SARDH: variants seen among roughly 807,000 people sequenced by gnomAD.
SARDH encodes the protein sarcosine dehydrogenase.
Under a neutral mutation model 109.1 loss-of-function variants are expected in SARDH, and 95 were observed. That is an observed-to-expected ratio of 0.87 (90% CI 0.74 to 1.03). The LOEUF is 1.03. Ranked by LOEUF, SARDH falls within the 50% of genes least tolerant of loss-of-function variation. The pLI, the probability that SARDH is intolerant of heterozygous loss-of-function variation, is 0.00. For missense variants in SARDH, 1,267 were observed against 1,287.8 expected (o/e 0.98, Z 0.25); for synonymous variants, 572 against 534.8 (o/e 1.07, Z -0.96).
At chr9:133,737,571 G>A (rs1303684638) in intron 1 of SARDH, among the ~76,000 whole-genome samples, 3 of 147,536 alleles carry the variant, frequency 2.0e-5, no homozygotes. Context: ...CACCCACCAC[G>A]GTGCCGCATG....
chr9:133,718,750 T>C lies in SARDH; in HGVS notation c.1020+188A>G, dbSNP rs1312141410. 1.0e-5 allele frequency: 8 copies of C among 780,758 alleles called. No individual in the cohort carries two copies. The highest frequency in any genetic ancestry group is 1.9e-5 in the Non-Finnish European group (8 of 419,246). The allele number at this position is 780,758 out of a possible 1,614,324, so 48.4% of individuals were successfully genotyped here. A position where few individuals can be genotyped will look rare whatever the true frequency, so the allele number is the denominator to read the frequency against. On this transcript the variant is annotated intron_variant, in intron 7 of 20. Coordinates refer to ENST00000439388, the MANE Select transcript of SARDH (RefSeq NM_001134707.2). This position sits in a 1 kb window ranked among gnomAD's most constrained non-coding sequence, Gnocchi z 4.2. ...CCCTCCAGCTGCCCTGGGTCTGTAT[T>C]TGACTGCCTGCCAGGACCGTCAGGG...
At chr9:133,678,766 T>G (rs1830600817) in intron 17 of SARDH, among the ~76,000 whole-genome samples, 1 of 152,194 alleles carries the variant, frequency 6.6e-6, no homozygotes, top group Non-Finnish European at 1.5e-5. Flanking sequence ...GGAACCGTCT[T>G]CCCTGGGTCT....
At chr9:133,682,907 A>AGTGATG (rs1830748774) in intron 17 of SARDH, among the ~76,000 whole-genome samples, 1 of 152,188 alleles carries the variant, frequency 6.6e-6, no homozygotes. Flanking sequence ...ACCCATGCGC[A>AGTGATG]GTGATGGTTG....
intron 15 of SARDH, among the ~76,000 whole-genome samples, chr9:133,691,201 C>A (rs1176112842): frequency 6.7e-6 from 1 of 148,656 alleles, no homozygotes; most frequent in Non-Finnish European, 1.5e-5. Context: ...CACACACACA[C>A]ACACACACAC....
intron 13 of SARDH, among the ~76,000 whole-genome samples, chr9:133,698,164 T>G (rs1831358746): frequency 6.6e-6 from 1 of 152,114 alleles, no homozygotes; most frequent in Admixed American, 6.5e-5. Context: ...TTTTAAAAAA[T>G]TATATTTGTA....
At position 133,693,287 on chromosome 9, in the gene SARDH, C is replaced by T. The variant is rs1013245989; in HGVS notation, c.1921+971G>A. On this transcript the variant is annotated intron_variant, in intron 15 of 20. Coordinates refer to ENST00000439388, the MANE Select transcript of SARDH (RefSeq NM_001134707.2). The surrounding 1 kb of genome is among the most constrained non-coding windows in gnomAD (Gnocchi z 5.6). ...TGCTCAATGACTGCTGCCGAAGGTGCGGGTTATGAGCTGATCATGAATGAG... is the reference window on the plus strand; with the variant it reads ...TGCTCAATGACTGCTGCCGAAGGTGTGGGTTATGAGCTGATCATGAATGAG... 1.4e-4 allele frequency among the ~76,000 whole-genome samples: 22 copies of T among 152,194 alleles called. No homozygotes were observed. Among genetic ancestry groups the T allele is most frequent in the Admixed American group, 6.5e-5 (1 of 15,276 alleles).
chr9:133,724,722 T>C (rs1467232461), intron 6 of SARDH, among the ~76,000 whole-genome samples: 1 of 77,460 alleles, frequency 1.3e-5, no homozygotes, highest in African/African-American at 3.5e-5. Context: ...ACATTTTTAA[T>C]TTTTTTTTTG....
chr9:133,704,143 G>T lies in SARDH; in HGVS notation c.1554+805C>A, dbSNP rs1024408688. ...AGGAGAAGAGACGATGACCTGCAAG[G>T]CTCTGACCCCAGAGCCGTGGCCCCG... is the stretch of plus-strand genomic sequence containing the variant. On this transcript the variant is annotated intron_variant, in intron 12 of 20. Coordinates refer to ENST00000439388, the MANE Select transcript of SARDH (RefSeq NM_001134707.2). The surrounding 1 kb of genome is among the most constrained non-coding windows in gnomAD (Gnocchi z 4.5). 6.6e-6 allele frequency among the ~76,000 whole-genome samples: 1 copy of T among 152,086 alleles called. No individual in the cohort carries two copies. Among genetic ancestry groups the T allele is most frequent in the African/African-American group, 2.4e-5 (1 of 41,402 alleles).
chr9:133,680,799 C>T (rs1437735657), intron 17 of SARDH, among the ~76,000 whole-genome samples: 1 of 149,610 alleles, frequency 6.7e-6, no homozygotes, highest in East Asian at 1.9e-4. Context: ...GACCTGGCCG[C>T]CAGGCCCACA....
downstream of SARDH, among the ~76,000 whole-genome samples, chr9:133,663,231 A>G (rs1829943785): frequency 6.6e-6 from 1 of 152,216 alleles, no homozygotes; most frequent in Admixed American, 6.5e-5. Context: ...GGAGGGCACC[A>G]ATCTGAGGCC....
chr9:133,696,040 AGGGCCTG>A (rs370094782), intron 14 of SARDH, among the ~76,000 whole-genome samples, 176 bp downstream of exon 14: 126 of 139,252 alleles, frequency 9.0e-4, no homozygotes, highest in African/African-American at 3.3e-3. Flanking sequence ...GAAAGTAATG[AGGGCCTG>A]GGGCCTGGGA....
chr9:133,676,124 T>C (rs1588387437), intron 17 of SARDH, among the ~76,000 whole-genome samples: 1 of 149,636 alleles, frequency 6.7e-6, no homozygotes, highest in South Asian at 2.1e-4. Flanking sequence ...CAAAAACAGA[T>C]GATGAACAGA....
Position 133,663,676 on chromosome 9 carries a change from G to C in SARDH, c.*213C>G, listed in dbSNP as rs1363682618. The C allele has an allele frequency of 1.6e-6, 1 of 626,786 alleles. No homozygotes were observed. The highest frequency in any genetic ancestry group is 2.8e-6 in the Non-Finnish European group (1 of 360,290). 38.8% of individuals were successfully genotyped at this position (626,786 alleles called of 1,614,324 possible). ...CAGGTTTGCTTTCTGGGAGGATTGG[G>C]GTGGATTAGAGACTGCCTTCCAGTC... On this transcript the variant is annotated 3_prime_UTR_variant, in exon 21 of 21. Transcript: ENST00000439388.
At chr9:133,695,917 C>T (rs552228597) in intron 14 of SARDH, among the ~76,000 whole-genome samples, 2 of 152,266 alleles carry the variant, frequency 1.3e-5, no homozygotes, top group East Asian at 3.9e-4. Flanking sequence ...GGACTGGGCC[C>T]CACAGTCCCA....
chr9:133,660,598 T>C (rs1356874557), downstream of SARDH, among the ~76,000 whole-genome samples: 3 of 152,210 alleles, frequency 2.0e-5, no homozygotes, highest in Non-Finnish European at 4.4e-5. Context: ...TTCCTGCCCC[T>C]GCTGTGTGAC....
chr9:133,703,321 A>AG, intron 12 of SARDH: 1 of 455,874 alleles, frequency 2.2e-6, no homozygotes, highest in Admixed American at 3.4e-5. Context: ...CGACAGGGAG[A>AG]GGTGGTTACC....
Position 133,702,901 on chromosome 9 carries a change from A to T in SARDH, c.1668+15T>A. ...GCAGAAGGACGGACCCCCACGGTGG[A>T]CCCCAGCTACGCACCGTGTCGTGGT... On this transcript the variant is annotated intron_variant, in intron 13 of 20. Coordinates refer to ENST00000439388, the MANE Select transcript of SARDH (RefSeq NM_001134707.2). 1 of 1,606,596 alleles carries T rather than the reference A, an allele frequency of 6.2e-7. No individual in the cohort carries two copies. Among genetic ancestry groups the T allele is most frequent in the Non-Finnish European group, 8.5e-7 (1 of 1,176,778 alleles).
intron 11 of SARDH, among the ~76,000 whole-genome samples, chr9:133,707,917 G>A (rs571979993): frequency 1.9e-4 from 29 of 152,210 alleles, no homozygotes; most frequent in African/African-American, 5.8e-4. Context: ...TGTACGCCGT[G>A]TTCTGGCTGC....
In SARDH at chr9:133,712,852, G is replaced by C; in HGVS notation, c.1238-143C>G. ...TGGGGTGCTGCACGCCTCCTGATTG[G>C]ACTGCTGCTGGACTGGACCCTGGCA... On this transcript the variant is annotated intron_variant, in intron 9 of 20. Transcript: ENST00000439388. This position sits in a 1 kb window ranked among gnomAD's most constrained non-coding sequence, Gnocchi z 4.1. The C allele has an allele frequency of 1.1e-6, 1 of 931,222 alleles. No individual in the cohort carries two copies. Among genetic ancestry groups the C allele is most frequent in the Non-Finnish European group, 1.6e-6 (1 of 611,078 alleles). 57.7% of individuals were successfully genotyped at this position (931,222 alleles called of 1,614,324 possible).
Sources: gnomAD v4.1 joint callset for allele counts (sites outside exome capture counted in the v4.1 genomes callset) on GRCh38, gnomAD v4.1.1 for gene constraint, Gnocchi (gnomAD v3.1) non-coding constraint, MANE v1.5 for transcripts, NCBI Gene and HGNC (gene_info 2026-07-23, HGNC 2026-07-21) for gene names.